ADRA1B: variants seen among roughly 807,000 people sequenced by gnomAD.
The protein encoded by ADRA1B is alpha-1B adrenergic receptor.
ADRA1B carries 17 observed loss-of-function variants against 17.9 expected under a neutral mutation model. The observed-to-expected ratio is 0.95, with a 90% CI of 0.65 to 1.42. ADRA1B has a LOEUF of 1.42. ADRA1B is among the 40% of genes most tolerant of loss of function. The pLI is 0.00. For missense variants in ADRA1B, 681 were observed against 722.1 expected (o/e 0.94, Z 0.65); for synonymous variants, 366 against 327.6 (o/e 1.12, Z -1.27).
intron 1 of ADRA1B, among the ~76,000 whole-genome samples, chr5:159,940,499 C>A (rs1043520664): frequency 6.6e-6 from 1 of 152,154 alleles, no homozygotes; most frequent in Non-Finnish European, 1.5e-5. Context: ...CCCAACCCTG[C>A]TCCTTGGCCA....
chr5:159,906,529 T>C (rs1025466), intron 1 of ADRA1B, among the ~76,000 whole-genome samples: 73,079 of 152,124 alleles, frequency 0.48, 18,848 homozygotes, highest in Non-Finnish European at 0.59. Context: ...CCTGCTGAAT[T>C]AGGATATCTA....
rs1755102692 is a variant in ADRA1B at position 159,940,775 on chromosome 5, TTTTTA to T, written c.949+22926_949+22930del. On this transcript the variant is annotated intron_variant, in intron 1 of 1. Coordinates refer to ENST00000306675, the MANE Select transcript of ADRA1B (RefSeq NM_000679.4). ...TTTTAGCAGCAATTATCTGTGGTAG[TTTTTA>T]TTTTCTTTTCCTGCTTCTCTGTAGT... is the stretch of plus-strand genomic sequence containing the variant. Among the ~76,000 whole-genome samples the T allele has an allele frequency of 2.6e-5, 4 of 152,292 alleles. No homozygotes were observed. The South Asian group carries it at 8.3e-4, about 32-fold the overall frequency.
Position 159,867,571 on chromosome 5 carries a change from A to T in ADRA1B, c.-256+2365A>T, listed in dbSNP as rs1380466940. 2.0e-5 allele frequency among the ~76,000 whole-genome samples: 3 copies of T among 152,262 alleles called. No individual in the cohort carries two copies. In the East Asian group the frequency reaches 5.8e-4, roughly 29 times the overall value. On this transcript the variant is annotated intron_variant, in intron 1 of 2. Transcript: ENST00000641205. ...GTATTTTACAGCTATACTTGCTGTA[A>T]GTATTTTACAGCAAGTGGGCTTGTC...
At chr5:159,907,907 T>G (rs1220112242) in intron 1 of ADRA1B, among the ~76,000 whole-genome samples, 12 of 152,016 alleles carry the variant, frequency 7.9e-5, no homozygotes, top group Non-Finnish European at 1.5e-4. Context: ...TCATGCTGTC[T>G]TTGTCTTTGG....
chr5:159,947,257 G>T (rs748133702), intron 1 of ADRA1B, among the ~76,000 whole-genome samples: 5 of 152,068 alleles, frequency 3.3e-5, no homozygotes, highest in Non-Finnish European at 7.4e-5. Flanking sequence ...AGGGAGAATT[G>T]CTTGAACCTG....
intron 1 of ADRA1B, among the ~76,000 whole-genome samples, chr5:159,941,849 A>G (rs564762467): frequency 3.9e-5 from 6 of 152,212 alleles, no homozygotes; most frequent in Admixed American, 3.9e-4. Flanking sequence ...ACAGAGAGAG[A>G]AAGTAGATGA....
At chr5:159,896,412 C>T (rs976168776) in intron 1 of ADRA1B, among the ~76,000 whole-genome samples, 5 of 152,198 alleles carry the variant, frequency 3.3e-5, no homozygotes, top group East Asian at 1.9e-4. Context: ...AGTGTGCTTG[C>T]TATAATTCCC....
intron 1 of ADRA1B, chr5:159,950,751 T>A (rs1755413489): frequency 1.6e-6 from 1 of 637,050 alleles, no homozygotes; most frequent in Non-Finnish European, 2.9e-6. Context: ...TGGCAGGTTT[T>A]TCGAGACGGC....
chr5:159,968,114 T>A (rs1755807001), intron 1 of ADRA1B, among the ~76,000 whole-genome samples: 1 of 152,156 alleles, frequency 6.6e-6, no homozygotes, highest in Non-Finnish European at 1.5e-5. Flanking sequence ...AGGAGCTTAG[T>A]GTTTGTGGAA....
intron 1 of ADRA1B, chr5:159,951,303 T>C (rs1755432445): frequency 7.5e-7 from 1 of 1,335,720 alleles, no homozygotes; most frequent in Admixed American, 1.7e-5. Flanking sequence ...GATGACAAGC[T>C]TCCCTTTCTC....
chr5:159,942,904 A>G (rs1755173987), intron 1 of ADRA1B, among the ~76,000 whole-genome samples: 1 of 152,230 alleles, frequency 6.6e-6, no homozygotes, highest in African/African-American at 2.4e-5. Context: ...TTCATTTATT[A>G]CATGTGTAAT....
At chr5:159,924,795 C>T (rs1754597852) in intron 1 of ADRA1B, among the ~76,000 whole-genome samples, 1 of 152,228 alleles carries the variant, frequency 6.6e-6, no homozygotes, top group Non-Finnish European at 1.5e-5. Flanking sequence ...TGCTGGGCAG[C>T]ACTGGAAATT....
chr5:159,897,366 A>G (rs1754050602), intron 1 of ADRA1B, among the ~76,000 whole-genome samples: 1 of 152,082 alleles, frequency 6.6e-6, no homozygotes, highest in African/African-American at 2.4e-5. Flanking sequence ...CGCACCTGTA[A>G]TCCCAGCTAC....
chr5:159,934,301 GC>G (rs1455321406), intron 1 of ADRA1B, among the ~76,000 whole-genome samples: 2 of 152,206 alleles, frequency 1.3e-5, no homozygotes, highest in Non-Finnish European at 2.9e-5. Context: ...TGACCCACTT[GC>G]CACAGGGTTG....
chr5:159,934,437 G>A (rs1309697054), intron 1 of ADRA1B, among the ~76,000 whole-genome samples: 1 of 151,978 alleles, frequency 6.6e-6, no homozygotes, highest in Admixed American at 6.6e-5. Context: ...AAGACGGCTG[G>A]CACCTTCTCT....
At chr5:159,898,034 C>T (rs916914258) in intron 1 of ADRA1B, among the ~76,000 whole-genome samples, 4 of 152,232 alleles carry the variant, frequency 2.6e-5, no homozygotes, top group African/African-American at 9.6e-5. Context: ...CCCCTTCCCT[C>T]TCTTCCCCTC....
intron 1 of ADRA1B, among the ~76,000 whole-genome samples, chr5:159,884,326 T>C (rs1444004400): frequency 6.6e-6 from 1 of 152,222 alleles, no homozygotes; most frequent in Admixed American, 6.5e-5. Flanking sequence ...GTGGGACTTT[T>C]AAGAGGTGAT....
At chr5:159,950,692 G>C (rs1755410874) in intron 1 of ADRA1B, 2 of 716,594 alleles carry the variant, frequency 2.8e-6, no homozygotes, top group South Asian at 1.5e-5. Flanking sequence ...GATGCCCTTG[G>C]GGGGACACTC....
intron 1 of ADRA1B, among the ~76,000 whole-genome samples, chr5:159,892,093 T>G (rs1327826530): frequency 2.0e-5 from 3 of 152,074 alleles, no homozygotes; most frequent in Non-Finnish European, 2.9e-5. Context: ...AAAAATTAGC[T>G]GGGCGTGGTG....
Sources: gnomAD v4.1 joint callset for allele counts (sites outside exome capture counted in the v4.1 genomes callset) on GRCh38, gnomAD v4.1.1 for gene constraint, MANE v1.5 for transcripts, NCBI Gene and HGNC (gene_info 2026-07-23, HGNC 2026-07-21) for gene names.